The following LAMA2 variants were observed in gnomAD, a reference collection of about 807,000 sequenced individuals.
LAMA2 encodes laminin subunit alpha-2.
LAMA2 carries 269 observed loss-of-function variants against 364.8 expected under a neutral mutation model. That is an observed-to-expected ratio of 0.74 (90% confidence interval 0.67 to 0.82). LAMA2 has a LOEUF of 0.82. Ranked by LOEUF, LAMA2 falls within the 40% of genes least tolerant of loss-of-function variation. LAMA2 has a pLI of 0.00. For synonymous variants in LAMA2, 1,379 were observed against 1,370.6 expected (o/e 1.01, Z -0.14); for missense variants, 3,807 against 3,873.2 (o/e 0.98, Z 0.45).
chr6:128,936,848 G>A (rs1779847403), intron 1 of LAMA2, among the ~76,000 whole-genome samples: 1 of 152,160 alleles, frequency 6.6e-6, no homozygotes, highest in South Asian at 2.1e-4. Flanking sequence ...TCAGAAGGAA[G>A]ACCATCTGCT....
rs527935487 is a variant in LAMA2, at chr6:129,013,408, G to A, written c.113-36510G>A. ...GCCGAGATCGCGCCACTGCAGTCCG[G>A]CCTGGGCGAAAGAGAGAGACTCCAT... On this transcript the variant is annotated intron_variant, in intron 1 of 64. Transcript: ENST00000421865. Among the ~76,000 whole-genome samples the A allele has an allele frequency of 5.3e-5, 8 of 152,058 alleles. No individual in the cohort carries two copies. In the East Asian group the frequency reaches 1.5e-3, roughly 29 times the overall value.
chr6:128,883,768 TG>T (rs747822187), intron 1 of LAMA2, among the ~76,000 whole-genome samples: 6 of 149,048 alleles, frequency 4.0e-5, no homozygotes, highest in Admixed American at 6.7e-5. Context: ...GGAGGGTAGC[TG>T]ATGCATCAAA....
chr6:129,440,864 A>T lies in LAMA2; in HGVS notation c.6134A>T (p.Asn2045Ile). Reference sequence around the variant, plus strand: ...GTTAAGGACAAAGCCAGACAAGCCAACGACACAGCTAAAGATGTACTGGCA... The same window carrying T: ...GTTAAGGACAAAGCCAGACAAGCCATCGACACAGCTAAAGATGTACTGGCA... ...QAVKDKARQANDTAKDVLAQI... is the reference protein window; with the variant it reads ...QAVKDKARQAIDTAKDVLAQI... The change falls in exon 43 of 65, where the codon AAC (asparagine) becomes ATC (isoleucine). Residue 2045 changes from asparagine to isoleucine, a missense_variant. Coordinates refer to ENST00000421865, the MANE Select transcript of LAMA2 (RefSeq NM_000426.4). The T allele has an allele frequency of 6.2e-7, 1 of 1,614,038 alleles. No individual in the cohort carries two copies. Among genetic ancestry groups the T allele is most frequent in the Non-Finnish European group, 8.5e-7 (1 of 1,179,922 alleles).
intron 27 of LAMA2, 136 bp from the exon 28 acceptor site, chr6:129,320,402 A>G: frequency 1.4e-6 from 1 of 714,624 alleles, no homozygotes; most frequent in South Asian, 1.4e-5. Flanking sequence ...TTATTTGTCA[A>G]TTAAAAACAA....
At chr6:129,114,498 A>G (rs1178787141) in intron 4 of LAMA2, among the ~76,000 whole-genome samples, 1 of 152,062 alleles carries the variant, frequency 6.6e-6, no homozygotes, top group Non-Finnish European at 1.5e-5. Context: ...TACAAAAAGG[A>G]TGTTTCTTGA....
chr6:129,512,672 G>C (rs1786695202), intron 63 of LAMA2, among the ~76,000 whole-genome samples, 179 bp downstream of exon 63: 1 of 152,144 alleles, frequency 6.6e-6, no homozygotes, highest in South Asian at 2.1e-4. Context: ...TTTTCAGCAT[G>C]TTGTAGGCCA....
chr6:129,087,703 C>G (rs1440051471), intron 3 of LAMA2, among the ~76,000 whole-genome samples: 3 of 151,616 alleles, frequency 2.0e-5, no homozygotes, highest in African/African-American at 7.3e-5. Flanking sequence ...ATAATAACTC[C>G]TGAGAGTGAT....
At chr6:129,273,158 G>A (rs1788059093) in intron 17 of LAMA2, among the ~76,000 whole-genome samples, 2 of 152,110 alleles carry the variant, frequency 1.3e-5, no homozygotes, top group African/African-American at 4.8e-5. Context: ...CATAATTAAA[G>A]GCTACTCAAG....
chr6:128,910,324 C>T (rs201503862), intron 1 of LAMA2, among the ~76,000 whole-genome samples: 1 of 140,990 alleles, frequency 7.1e-6, no homozygotes, highest in Non-Finnish European at 1.6e-5. Context: ...TTCTTGGAGG[C>T]TTTGCTCATT....
At chr6:128,943,306 A>G (rs998377734) in intron 1 of LAMA2, among the ~76,000 whole-genome samples, 1 of 118,898 alleles carries the variant, frequency 8.4e-6, no homozygotes, top group Non-Finnish European at 1.9e-5. Context: ...AGAGAGAGAG[A>G]GTCAGTCTTG....
At chr6:128,998,100 T>G (rs1784113374) in intron 1 of LAMA2, among the ~76,000 whole-genome samples, 1 of 151,910 alleles carries the variant, frequency 6.6e-6, no homozygotes, top group Admixed American at 6.6e-5. Context: ...GGGTGCCTGA[T>G]GCGGAGAGGA....
rs1777309683 is a variant in LAMA2 at position 129,359,027 on chromosome 6, G to T, written c.4717+5670G>T. On this transcript the variant is annotated intron_variant, in intron 32 of 64. Transcript: ENST00000421865. ...TTTCTCATCTGTAAAATGAGGATAT[G>T]AATGGTACTTACCTCATAGAATTGC... 2.0e-5 allele frequency among the ~76,000 whole-genome samples: 3 copies of T among 151,884 alleles called. No individual in the cohort carries two copies. In the South Asian group the frequency reaches 6.2e-4, roughly 32 times the overall value.
intron 53 of LAMA2, among the ~76,000 whole-genome samples, chr6:129,476,144 G>C (rs1189899343): frequency 6.6e-6 from 1 of 152,106 alleles, no homozygotes; most frequent in Non-Finnish European, 1.5e-5. Flanking sequence ...GTGCAGGGCT[G>C]GTATCCTCTG....
chr6:129,456,630 T>C, intron 48 of LAMA2, 136 bp downstream of exon 48: 3 of 865,994 alleles, frequency 3.5e-6, no homozygotes, highest in Non-Finnish European at 5.9e-6. Context: ...AAAACATGAA[T>C]TTACTTTGAG....
intron 1 of LAMA2, among the ~76,000 whole-genome samples, chr6:128,956,167 A>T (rs998636345): frequency 6.6e-6 from 1 of 151,936 alleles, no homozygotes; most frequent in Non-Finnish European, 1.5e-5. Context: ...TGGGCCATCA[A>T]TTTTACTCAA....
At chr6:128,953,401 T>C (rs1471858573) in intron 1 of LAMA2, among the ~76,000 whole-genome samples, 1 of 152,192 alleles carries the variant, frequency 6.6e-6, no homozygotes, top group African/African-American at 2.4e-5. Flanking sequence ...ATACAGTCTT[T>C]AAGGAAGAAA....
At chr6:128,904,388 A>G (rs1038534453) in intron 1 of LAMA2, among the ~76,000 whole-genome samples, 39 of 150,582 alleles carry the variant, frequency 2.6e-4, no homozygotes, top group African/African-American at 8.3e-4. Context: ...CTTTGTCTCT[A>G]TCTCCCTAGA....
chr6:129,036,410 C>T (rs545236916), intron 1 of LAMA2, among the ~76,000 whole-genome samples: 4 of 152,160 alleles, frequency 2.6e-5, no homozygotes, highest in South Asian at 2.1e-4. Flanking sequence ...CATAGTGGAC[C>T]TTGTAGCCCT....
rs551369175 is a variant in LAMA2 at position 129,062,776 on chromosome 6, G to A, written c.396+2880G>A. Among the ~76,000 whole-genome samples, 14 of 152,118 alleles carry A rather than the reference G, an allele frequency of 9.2e-5. No homozygotes were observed. The South Asian group carries it at 2.3e-3, about 25-fold the overall frequency. ...TTGACCATTTATTAGTTCTTCTTTT[G>A]TATAAATTTCAACAAGTGCCAGTAT... is the stretch of plus-strand genomic sequence containing the variant. On this transcript the variant is annotated intron_variant, in intron 3 of 64. Coordinates refer to ENST00000421865, the MANE Select transcript of LAMA2 (RefSeq NM_000426.4).
Sources: gnomAD v4.1 joint callset for allele counts (sites outside exome capture counted in the v4.1 genomes callset) on GRCh38, gnomAD v4.1.1 for gene constraint, MANE v1.5 for transcripts, NCBI Gene and HGNC (gene_info 2026-07-23, HGNC 2026-07-21) for gene names.